The following DNAH6 variants were observed in gnomAD, a reference collection of about 807,000 sequenced individuals.
DNAH6 encodes the protein dynein axonemal heavy chain 6, also known as axonemal beta dynein heavy chain 6.
Under a neutral mutation model 491.4 loss-of-function variants are expected in DNAH6, and 340 were observed. That is an observed-to-expected ratio of 0.69 (90% CI 0.63 to 0.76). The LOEUF (loss-of-function observed/expected upper bound fraction) is 0.76, where lower values mean the gene tolerates loss of function less well. Among genes scored for constraint, DNAH6 ranks in the 30% least tolerant of loss-of-function variants. DNAH6 has a pLI of 0.00. For synonymous variants in DNAH6, 1,603 were observed against 1,686.1 expected (o/e 0.95, Z 1.21); for missense variants, 4,443 against 4,972.2 (o/e 0.89, Z 3.20).
At chr2:84,619,971 C>G in intron 24 of DNAH6, 67 bp downstream of exon 24, 1 of 1,323,218 alleles carries the variant, frequency 7.6e-7, no homozygotes, top group Admixed American at 2.1e-5. Flanking sequence ...TATTCTCACT[C>G]TAAGCATACA....
In DNAH6 at chr2:84,752,311, G is replaced by A. The variant is rs145518861; in HGVS notation, c.10512+7062G>A. On this transcript the variant is annotated intron_variant, in intron 63 of 76. Transcript: ENST00000389394. ...GAAGAAAATTCCCCAAAAGAGTCTC[G>A]TTGATGCTTGGCACAACTACTTGCT... Among the ~76,000 whole-genome samples, 591 of 152,198 alleles carry A rather than the reference G, an allele frequency of 3.9e-3. 1 individual carries two copies. The highest frequency in any genetic ancestry group is 0.013 in the African/African-American group (532 of 41,536).
intron 15 of DNAH6, among the ~76,000 whole-genome samples, chr2:84,585,615 AG>A (rs1025549788): frequency 6.6e-6 from 1 of 151,820 alleles, no homozygotes; most frequent in Non-Finnish European, 1.5e-5. Flanking sequence ...AGGCCTGGAG[AG>A]GGTAGCTCCC....
intron 70 of DNAH6, among the ~76,000 whole-genome samples, chr2:84,801,162 G>C (rs899858381): frequency 1.0e-4 from 15 of 149,332 alleles, no homozygotes; most frequent in Non-Finnish European, 1.5e-4. Context: ...CGAGTTAGTG[G>C]GTGCAGCGCA....
At position 84,580,316 on chromosome 2, in the gene DNAH6, G is replaced by GCACA. The variant is rs36209367; in HGVS notation, c.2229+669_2229+672dup. ...CTCTCTTATACACACACATACACAC[G>GCACA]CACACACACACACACACACACACAC... On this transcript the variant is annotated intron_variant, in intron 14 of 76. Transcript: ENST00000389394. Among the ~76,000 whole-genome samples, 531 of 149,282 alleles carry GCACA rather than the reference G, an allele frequency of 3.6e-3. 4 individuals are homozygous for GCACA. Among genetic ancestry groups the GCACA allele is most frequent in the African/African-American group, 0.012 (475 of 40,330 alleles).
intron 29 of DNAH6, 126 bp downstream of exon 29, chr2:84,625,189 T>G (rs1687747371): frequency 1.1e-6 from 1 of 908,738 alleles, no homozygotes; most frequent in African/African-American, 1.7e-5. Flanking sequence ...ATGGGGTAAA[T>G]AATGGTTAAA....
At chr2:84,567,732 G>A (rs181980377) in intron 11 of DNAH6, among the ~76,000 whole-genome samples, 26 of 152,130 alleles carry the variant, frequency 1.7e-4, no homozygotes, top group African/African-American at 6.3e-4. Flanking sequence ...CAGGACATAG[G>A]CATGGAAAAA....
At chr2:84,570,720 A>C (rs1486219460) in intron 11 of DNAH6, among the ~76,000 whole-genome samples, 2 of 152,218 alleles carry the variant, frequency 1.3e-5, no homozygotes, top group Non-Finnish European at 2.9e-5. Flanking sequence ...GGATATGGGC[A>C]GGGCCAAATA....
intron 22 of DNAH6, among the ~76,000 whole-genome samples, chr2:84,613,165 C>T (rs538633143): frequency 2.7e-5 from 4 of 148,900 alleles, no homozygotes; most frequent in Admixed American, 2.7e-4. Flanking sequence ...GTGTGTGTGT[C>T]TGTGACAGAA....
At chr2:84,507,905 C>G in the DNAH6 span, among the ~76,000 whole-genome samples, 2 of 152,206 alleles carry the variant, frequency 1.3e-5, no homozygotes, top group Admixed American at 6.5e-5. Context: ...CCTTGCATCC[C>G]AGGGATGAAG....
At chr2:84,680,043 G>A (rs962872433) in intron 41 of DNAH6, among the ~76,000 whole-genome samples, 3 of 152,102 alleles carry the variant, frequency 2.0e-5, no homozygotes, top group Admixed American at 1.3e-4. Context: ...TTAAAGATTG[G>A]GTTTGAGATG....
At chr2:84,535,273 A>T (rs934369651) in intron 4 of DNAH6, among the ~76,000 whole-genome samples, 2 of 152,004 alleles carry the variant, frequency 1.3e-5, no homozygotes, top group African/African-American at 4.8e-5. Flanking sequence ...CTAGAAAACT[A>T]TCAGATCTAT....
rs1263955117 is a variant in DNAH6, at chr2:84,745,382, T to A, written c.10512+133T>A. On this transcript the variant is annotated intron_variant, in intron 63 of 76. Transcript: ENST00000389394. ...GGAGATGACTCAAAAAAATGAAACA[T>A]GGGCCGAGCGCCGTGGCTCACGCCT... The A allele has an allele frequency of 5.8e-6, 4 of 684,072 alleles. No homozygotes were observed. The Admixed American group carries it at 1.1e-4, about 20-fold the overall frequency. The allele number at this position is 684,072 out of a possible 1,614,324, so 42.4% of individuals were successfully genotyped here.
chr2:84,739,027 T>A (rs547631557), intron 62 of DNAH6, among the ~76,000 whole-genome samples: 1 of 152,312 alleles, frequency 6.6e-6, no homozygotes, highest in African/African-American at 2.4e-5. Flanking sequence ...AGGGCCAGTC[T>A]GGTGGTGGAA....
intron 64 of DNAH6, among the ~76,000 whole-genome samples, chr2:84,779,449 A>G (rs993933531): frequency 6.6e-6 from 1 of 152,154 alleles, no homozygotes; most frequent in African/African-American, 2.4e-5. Flanking sequence ...CTACAATATA[A>G]GAATAGTCAC....
At position 84,535,094 on chromosome 2, in the gene DNAH6, A is replaced by G. The variant is rs373202783; in HGVS notation, c.662+5928A>G. Among the ~76,000 whole-genome samples, 7 of 151,970 alleles carry G rather than the reference A, an allele frequency of 4.6e-5. No individual in the cohort carries two copies. The East Asian group carries it at 5.8e-4, about 13-fold the overall frequency. ...TACTTCTTAAATTAATGAAACCTAT[A>G]TACCAATACTTTATATTTTCTTACC... On this transcript the variant is annotated intron_variant, in intron 4 of 76. Coordinates refer to ENST00000389394, the MANE Select transcript of DNAH6 (RefSeq NM_001370.2).
intron 64 of DNAH6, among the ~76,000 whole-genome samples, chr2:84,774,399 CTCTAT>C (rs1675927965): frequency 6.6e-6 from 1 of 151,948 alleles, no homozygotes; most frequent in South Asian, 2.1e-4. Context: ...TTTCTGGGGT[CTCTAT>C]TCTATTCTAT....
intron 10 of DNAH6, among the ~76,000 whole-genome samples, chr2:84,556,543 C>G (rs1372739729): frequency 6.6e-6 from 1 of 152,194 alleles, no homozygotes; most frequent in Admixed American, 6.5e-5. Flanking sequence ...CTCATTTTCT[C>G]TAATTAGACT....
chr2:84,690,938 C>T (rs1259660148), intron 45 of DNAH6, among the ~76,000 whole-genome samples: 1 of 152,104 alleles, frequency 6.6e-6, no homozygotes, highest in African/African-American at 2.4e-5. Flanking sequence ...TCTTTTAACT[C>T]GGGGGGAAAA....
At chr2:84,488,550 T>C in the DNAH6 span, among the ~76,000 whole-genome samples, 1 of 152,198 alleles carries the variant, frequency 6.6e-6, no homozygotes, top group Non-Finnish European at 1.5e-5. Flanking sequence ...CCTTGGCTCC[T>C]GGCCGCTTCT....
Sources: allele counts gnomAD v4.1 joint callset (sites outside exome capture counted in the v4.1 genomes callset), GRCh38; gene constraint gnomAD v4.1.1; transcripts MANE v1.5; gene names NCBI Gene and HGNC (gene_info 2026-07-23, HGNC 2026-07-21).